The following ERBB4 variants were observed in gnomAD, a reference collection of about 807,000 sequenced individuals.
The protein encoded by ERBB4 is receptor tyrosine-protein kinase erbB-4.
In ERBB4, 42 loss-of-function variants were observed where a neutral mutation model predicts 158.0. That is an observed-to-expected ratio of 0.27 (90% CI 0.21 to 0.34). The LOEUF is 0.34. Ranked by LOEUF, ERBB4 falls within the 10% of genes least tolerant of loss-of-function variation. ERBB4 has a pLI of 1.00. For missense variants in ERBB4, 1,333 were observed against 1,624.1 expected (o/e 0.82, Z 3.08); for synonymous variants, 583 against 558.7 (o/e 1.04, Z -0.61).
chr2:211,821,169 T>C (rs2076987709), intron 3 of ERBB4, among the ~76,000 whole-genome samples: 1 of 151,750 alleles, frequency 6.6e-6, no homozygotes, highest in Non-Finnish European at 1.5e-5. Context: ...CCAAAAAACT[T>C]AGGACTGACA....
chr2:211,642,180 T>C (rs2070620266), intron 16 of ERBB4, among the ~76,000 whole-genome samples: 1 of 152,160 alleles, frequency 6.6e-6, no homozygotes, highest in Admixed American at 6.6e-5. Context: ...CTCTTAATTC[T>C]TGAATTAACT....
chr2:212,280,946 A>G (rs951779176), intron 1 of ERBB4, among the ~76,000 whole-genome samples: 2 of 151,788 alleles, frequency 1.3e-5, no homozygotes, highest in East Asian at 3.9e-4. Flanking sequence ...GACTTGACAC[A>G]CTTGGTTTTG....
At chr2:211,641,688 C>T (rs1559374234) in intron 16 of ERBB4, among the ~76,000 whole-genome samples, 1 of 151,990 alleles carries the variant, frequency 6.6e-6, no homozygotes, top group Non-Finnish European at 1.5e-5. Context: ...TAGAAGAAAC[C>T]TTATGTTCCA....
At chr2:212,140,396 A>AC (rs2080416188) in intron 1 of ERBB4, among the ~76,000 whole-genome samples, 1 of 144,112 alleles carries the variant, frequency 6.9e-6, no homozygotes, top group African/African-American at 2.7e-5. Flanking sequence ...TATCTATAGT[A>AC]ATATCTATAT....
chr2:211,837,170 AT>A (rs1257510099), intron 3 of ERBB4, among the ~76,000 whole-genome samples: 5 of 152,144 alleles, frequency 3.3e-5, no homozygotes, highest in African/African-American at 9.7e-5. Flanking sequence ...GATATTGTGC[AT>A]GATAAATTGT....
chr2:211,513,834 TTG>T (rs1491252586), intron 20 of ERBB4, among the ~76,000 whole-genome samples: 3 of 151,840 alleles, frequency 2.0e-5, no homozygotes, highest in African/African-American at 7.3e-5. Context: ...CTTTATATTT[TTG>T]GGGGGGATTA....
chr2:211,413,447 C>T (rs2063313322), intron 25 of ERBB4, among the ~76,000 whole-genome samples: 1 of 150,884 alleles, frequency 6.6e-6, no homozygotes, highest in Non-Finnish European at 1.5e-5. Context: ...TTAATAAAAA[C>T]AAACAAATAA....
intron 1 of ERBB4, among the ~76,000 whole-genome samples, chr2:212,500,435 A>G (rs1293680371): frequency 6.6e-6 from 1 of 152,142 alleles, no homozygotes; most frequent in Non-Finnish European, 1.5e-5. Context: ...CCATCTGTCC[A>G]TTAAATTAGC....
At chr2:211,554,044 A>C (rs944336083) in intron 20 of ERBB4, among the ~76,000 whole-genome samples, 3 of 152,204 alleles carry the variant, frequency 2.0e-5, no homozygotes, top group Non-Finnish European at 2.9e-5. Context: ...TTTTTCTCTT[A>C]TGGAATTAAT....
At chr2:211,532,427 C>T (rs1399456326) in intron 20 of ERBB4, among the ~76,000 whole-genome samples, 1 of 151,742 alleles carries the variant, frequency 6.6e-6, no homozygotes, top group Non-Finnish European at 1.5e-5. Flanking sequence ...TATGTACCCC[C>T]AAAAATAAAT....
At chr2:211,457,904 T>A (rs1297433138) in intron 20 of ERBB4, among the ~76,000 whole-genome samples, 1 of 152,164 alleles carries the variant, frequency 6.6e-6, no homozygotes, top group Non-Finnish European at 1.5e-5. Flanking sequence ...CCACTGTGGG[T>A]ATCACGTTAA....
intron 19 of ERBB4, among the ~76,000 whole-genome samples, chr2:211,610,453 GA>G: frequency 6.6e-6 from 1 of 152,122 alleles, no homozygotes; most frequent in Non-Finnish European, 1.5e-5. Context: ...TGATATTTTG[GA>G]AATTCTATTT....
intron 16 of ERBB4, among the ~76,000 whole-genome samples, chr2:211,636,111 T>C (rs551101500): frequency 6.6e-6 from 1 of 151,304 alleles, no homozygotes; most frequent in East Asian, 1.9e-4. Context: ...GTGTGTGTGT[T>C]TTTTTAAAAA....
At chr2:211,577,911 T>G (rs2067941497) in intron 19 of ERBB4, among the ~76,000 whole-genome samples, 1 of 152,174 alleles carries the variant, frequency 6.6e-6, no homozygotes, top group African/African-American at 2.4e-5. Context: ...AAGACAAGGA[T>G]GCCCTCTCTC....
At chr2:211,693,919 T>C (rs143543050) in intron 12 of ERBB4, among the ~76,000 whole-genome samples, 1 of 152,270 alleles carries the variant, frequency 6.6e-6, no homozygotes, top group African/African-American at 2.4e-5. Context: ...CTCACCTCTA[T>C]ATCATTCCAA....
At chr2:211,433,822 T>C (rs540325313) in intron 20 of ERBB4, among the ~76,000 whole-genome samples, 12 of 152,104 alleles carry the variant, frequency 7.9e-5, no homozygotes, top group Non-Finnish European at 1.8e-4. Context: ...TCAGTTATTC[T>C]CTGTAGCTGA....
At chr2:211,708,585 G>T (rs1222475647) in intron 9 of ERBB4, among the ~76,000 whole-genome samples, 3 of 148,306 alleles carry the variant, frequency 2.0e-5, no homozygotes, top group East Asian at 2.0e-4. Context: ...GTTTTTTATT[G>T]ATTTTCATTT....
chr2:212,123,402 CACAAAACAAA>C (rs748482439), intron 2 of ERBB4, among the ~76,000 whole-genome samples: 6 of 152,130 alleles, frequency 3.9e-5, no homozygotes, highest in South Asian at 2.1e-4. Context: ...GACTCCATCT[CACAAAACAAA>C]ACAAAACAAA....
chr2:211,755,880 A>G (rs545465742), intron 4 of ERBB4, among the ~76,000 whole-genome samples: 50 of 152,364 alleles, frequency 3.3e-4, no homozygotes, highest in African/African-American at 1.1e-3. Context: ...TGGCAACTAT[A>G]AAAGATCATA....
Sources: allele counts gnomAD v4.1 joint callset (sites outside exome capture counted in the v4.1 genomes callset), GRCh38; gene constraint gnomAD v4.1.1; transcripts MANE v1.5; gene names NCBI Gene and HGNC (gene_info 2026-07-23, HGNC 2026-07-21).